SPOCK1: variants seen among roughly 807,000 people sequenced by gnomAD.
The protein encoded by SPOCK1 is SPARC (osteonectin), cwcv and kazal like domains proteoglycan 1, also known as testican-1.
A neutral mutation model predicts 55.3 loss-of-function variants in SPOCK1; 23 were observed. That is an observed-to-expected ratio of 0.42 (90% confidence interval 0.30 to 0.59). SPOCK1 has a LOEUF of 0.59. SPOCK1 is among the 20% of genes least tolerant of loss of function. The pLI is 0.22. For synonymous variants in SPOCK1, 226 were observed against 221.0 expected, an observed-to-expected ratio of 1.02 and a Z score of -0.20; for missense variants, 499 against 552.5, an observed-to-expected ratio of 0.90 and a Z score of 0.97.
intron 2 of SPOCK1, among the ~76,000 whole-genome samples, chr5:137,472,653 C>T (rs1753759402): frequency 1.3e-5 from 2 of 152,172 alleles, no homozygotes; most frequent in African/African-American, 4.8e-5. Flanking sequence ...AATGAGGCTT[C>T]CCTAAGATTA....
chr5:137,376,057 A>T (rs1470001724), intron 2 of SPOCK1, among the ~76,000 whole-genome samples: 1 of 152,244 alleles, frequency 6.6e-6, no homozygotes, highest in Non-Finnish European at 1.5e-5. Flanking sequence ...AACCAAGTAC[A>T]TGAAGTAAAA....
intron 2 of SPOCK1, among the ~76,000 whole-genome samples, chr5:137,298,413 G>T (rs1481436738): frequency 2.6e-5 from 4 of 152,184 alleles, no homozygotes; most frequent in African/African-American, 9.7e-5. Flanking sequence ...TTATGACACT[G>T]AATGGTTTCT....
At chr5:137,042,085 T>A (rs985787082) in intron 6 of SPOCK1, among the ~76,000 whole-genome samples, 1 of 152,034 alleles carries the variant, frequency 6.6e-6, no homozygotes, top group Non-Finnish European at 1.5e-5. Context: ...AAACAAACTA[T>A]GAAACATCCA....
intron 2 of SPOCK1, among the ~76,000 whole-genome samples, chr5:137,286,767 C>T (rs1274292971): frequency 6.6e-6 from 1 of 152,100 alleles, no homozygotes; most frequent in Non-Finnish European, 1.5e-5. Context: ...AACAAAGTTC[C>T]CCCAACAACC....
At chr5:137,154,791 C>T (rs35818923) in intron 3 of SPOCK1, among the ~76,000 whole-genome samples, 35,584 of 152,056 alleles carry the variant, frequency 0.23, 4,524 homozygotes, top group Non-Finnish European at 0.28. Context: ...AAGCTAAAGG[C>T]GAACAATCTG....
rs151082945 is a variant in SPOCK1 at position 137,480,642 on chromosome 5, A to T, written c.186+17731T>A. On this transcript the variant is annotated intron_variant, in intron 2 of 10. Coordinates refer to ENST00000394945, the MANE Select transcript of SPOCK1 (RefSeq NM_004598.4). ...GGCCCATGAGTGTGACAGGGAGGAG[A>T]TTTATTAAGATGTCAAGCTTCCCCA... 1.5e-3 allele frequency among the ~76,000 whole-genome samples: 225 copies of T among 152,136 alleles called. 1 individual carries two copies. Among genetic ancestry groups the T allele is most frequent in the African/African-American group, 4.8e-3 (199 of 41,506 alleles).
At chr5:137,091,676 C>T (rs1753057074) in intron 5 of SPOCK1, among the ~76,000 whole-genome samples, 2 of 152,288 alleles carry the variant, frequency 1.3e-5, no homozygotes, top group Admixed American at 1.3e-4. Flanking sequence ...CAGACTGGCC[C>T]TCCCCTTCAA....
At chr5:136,983,619 C>CAAAAAAAAAAAAA (rs11364379) in intron 9 of SPOCK1, among the ~76,000 whole-genome samples, 1 of 135,340 alleles carries the variant, frequency 7.4e-6, no homozygotes. Context: ...CTCCTTGGAC[C>CAAAAAAAAAAAAA]AAAAAAAAAA....
chr5:137,322,543 A>G lies in SPOCK1; in HGVS notation c.187-55488T>C, dbSNP rs183347607. On this transcript the variant is annotated intron_variant, in intron 2 of 10. Transcript: ENST00000394945. ...AAAGATGTAATTTGTGACAATAACA[A>G]AACAGAGGGGAGAAGTCAAAGAGTA... Among the ~76,000 whole-genome samples the G allele has an allele frequency of 1.1e-3, 170 of 152,342 alleles. 4 individuals are homozygous for G. The Middle Eastern group carries it at 0.014, about 12-fold the overall frequency.
chr5:137,178,071 G>A (rs1754890934), intron 3 of SPOCK1, among the ~76,000 whole-genome samples: 1 of 152,128 alleles, frequency 6.6e-6, no homozygotes, highest in Non-Finnish European at 1.5e-5. Context: ...GAATCTCTGA[G>A]GCAATTTCAC....
At chr5:137,177,829 G>A (rs1376954371) in intron 3 of SPOCK1, among the ~76,000 whole-genome samples, 2 of 151,972 alleles carry the variant, frequency 1.3e-5, no homozygotes, top group Non-Finnish European at 2.9e-5. Context: ...TAGGGGAGAG[G>A]GGGTGGGGAA....
At chr5:137,322,938 G>A (rs529036979) in intron 2 of SPOCK1, among the ~76,000 whole-genome samples, 17 of 152,106 alleles carry the variant, frequency 1.1e-4, no homozygotes, top group African/African-American at 4.1e-4. Context: ...AAGGAATCAT[G>A]GTGAAAGGAA....
intron 2 of SPOCK1, among the ~76,000 whole-genome samples, chr5:137,356,838 T>TATATATATAG (rs1554077335): frequency 9.2e-4 from 5 of 5,460 alleles, no homozygotes; most frequent in Non-Finnish European, 1.2e-3. Flanking sequence ...TATATATATA[T>TATATATATAG]AGAGAGAGAG....
chr5:137,096,172 CA>C (rs1330739337), intron 5 of SPOCK1, among the ~76,000 whole-genome samples: 2 of 152,078 alleles, frequency 1.3e-5, no homozygotes, highest in Non-Finnish European at 2.9e-5. Flanking sequence ...CTCAGCCCCC[CA>C]AGTATAGCAT....
intron 2 of SPOCK1, among the ~76,000 whole-genome samples, chr5:137,439,114 A>AG (rs1752930116): frequency 6.6e-6 from 1 of 152,200 alleles, no homozygotes; most frequent in South Asian, 2.1e-4. Flanking sequence ...GGATTAGTGT[A>AG]GCAGTCACAC....
intron 3 of SPOCK1, among the ~76,000 whole-genome samples, chr5:137,148,912 G>A (rs1261587696): frequency 6.6e-6 from 1 of 152,008 alleles, no homozygotes; most frequent in Non-Finnish European, 1.5e-5. Flanking sequence ...AAAGTGTCAA[G>A]CAGCAATGTA....
chr5:137,211,931 G>A (rs1755626076), intron 3 of SPOCK1, among the ~76,000 whole-genome samples: 1 of 152,142 alleles, frequency 6.6e-6, no homozygotes, highest in Non-Finnish European at 1.5e-5. Context: ...TGTACCCTTT[G>A]TAATATCCTG....
Position 137,002,148 on chromosome 5 carries a change from A to G in SPOCK1, c.590-9548T>C, listed in dbSNP as rs1048527321. ...AAAAGCAATCTTTGGAAGAGTTTAA[A>G]ATACTGACATTAAACTTGGAATAAG... On this transcript the variant is annotated intron_variant, in intron 6 of 10. Transcript: ENST00000394945. Among the ~76,000 whole-genome samples, 9 of 152,266 alleles carry G rather than the reference A, an allele frequency of 5.9e-5. No individual in the cohort carries two copies. The South Asian group carries it at 1.9e-3, about 32-fold the overall frequency.
At chr5:137,303,428 C>T (rs571474087) in intron 2 of SPOCK1, among the ~76,000 whole-genome samples, 1 of 152,012 alleles carries the variant, frequency 6.6e-6, no homozygotes, top group African/African-American at 2.4e-5. Context: ...AGCCTTAACT[C>T]AGAGCTCAGT....
Sources: allele counts gnomAD v4.1 joint callset (sites outside exome capture counted in the v4.1 genomes callset), GRCh38; gene constraint gnomAD v4.1.1; transcripts MANE v1.5; gene names NCBI Gene and HGNC (gene_info 2026-07-23, HGNC 2026-07-21).